SLC22A23: variants seen among roughly 807,000 people sequenced by gnomAD.
SLC22A23 encodes ion transporter protein.
In SLC22A23, 26 loss-of-function variants were observed where a neutral mutation model predicts 61.0. That is an observed-to-expected ratio of 0.43 (90% confidence interval 0.31 to 0.59). SLC22A23 has a LOEUF of 0.59. SLC22A23 is among the 20% of genes least tolerant of loss of function. SLC22A23 has a pLI of 0.11. For missense variants in SLC22A23, 796 were observed against 934.7 expected, an observed-to-expected ratio of 0.85 and a Z score of 1.94; for synonymous variants, 430 against 413.9, an observed-to-expected ratio of 1.04 and a Z score of -0.47.
chr6:3,279,188 G>A (rs1231123237), intron 9 of SLC22A23, among the ~76,000 whole-genome samples: 1 of 151,434 alleles, frequency 6.6e-6, no homozygotes, highest in Non-Finnish European at 1.5e-5. Flanking sequence ...TTTTTTCTGT[G>A]GGAGCAATTC....
intron 3 of SLC22A23, among the ~76,000 whole-genome samples, chr6:3,399,926 T>C (rs774907715): frequency 2.4e-4 from 36 of 152,248 alleles, no homozygotes; most frequent in Non-Finnish European, 3.5e-4. Context: ...TTGCCCAGGC[T>C]GGAGTGCAAT....
intron 5 of SLC22A23, among the ~76,000 whole-genome samples, chr6:3,294,997 C>T (rs1034514172): frequency 3.9e-5 from 6 of 152,206 alleles, no homozygotes; most frequent in East Asian, 1.9e-4. Context: ...GCAATGCAAC[C>T]GCAATCCTAA....
At position 3,432,196 on chromosome 6, in the gene SLC22A23, G is replaced by A. The variant is rs564319651; in HGVS notation, c.655-16341C>T. ...CGGTTCTCCTGCATCTGAGCCCAGT[G>A]CTCCTTGCCCACGCCTCTGCTCCCT... On this transcript the variant is annotated intron_variant, in intron 1 of 9. Transcript: ENST00000406686. 5.1e-6 allele frequency: 5 copies of A among 985,408 alleles called. No homozygotes were observed. The East Asian group carries it at 4.5e-4, about 90-fold the overall frequency. 61.0% of individuals were successfully genotyped at this position (985,408 alleles called of 1,614,324 possible).
chr6:3,388,112 T>C (rs542811128), intron 3 of SLC22A23, among the ~76,000 whole-genome samples: 5 of 152,220 alleles, frequency 3.3e-5, no homozygotes, highest in African/African-American at 4.8e-5. Flanking sequence ...GGCCTAGATG[T>C]AGGGAGAGGG....
At chr6:3,420,009 T>C (rs1447064052) in intron 1 of SLC22A23, among the ~76,000 whole-genome samples, 2 of 152,226 alleles carry the variant, frequency 1.3e-5, no homozygotes, top group Non-Finnish European at 2.9e-5. Context: ...TAATTAAGCT[T>C]GTTAACACCT....
At chr6:3,316,269 A>G (rs1762635771) in intron 4 of SLC22A23, among the ~76,000 whole-genome samples, 1 of 152,228 alleles carries the variant, frequency 6.6e-6, no homozygotes, top group African/African-American at 2.4e-5. Flanking sequence ...GAATAAATCC[A>G]CCAACTCCAC....
chr6:3,379,283 T>C (rs950752763), intron 3 of SLC22A23, among the ~76,000 whole-genome samples: 1 of 152,192 alleles, frequency 6.6e-6, no homozygotes, highest in Non-Finnish European at 1.5e-5. Context: ...TTGGCAAAAG[T>C]AGTTTAAAAA....
chr6:3,373,144 T>C (rs1766333230), intron 3 of SLC22A23, among the ~76,000 whole-genome samples: 1 of 152,226 alleles, frequency 6.6e-6, no homozygotes, highest in Non-Finnish European at 1.5e-5. Context: ...GTCTGGGATG[T>C]TGGCATGCAC....
intron 1 of SLC22A23, chr6:3,432,171 C>T (rs1337401059): frequency 3.1e-6 from 3 of 981,528 alleles, no homozygotes; most frequent in African/African-American, 3.5e-5. Context: ...GGGTTCAAAC[C>T]GGTTCTCCTG....
chr6:3,338,389 G>C (rs1336679935), intron 3 of SLC22A23, among the ~76,000 whole-genome samples: 1 of 152,240 alleles, frequency 6.6e-6, no homozygotes, highest in African/African-American at 2.4e-5. Flanking sequence ...GAGTGCAGTG[G>C]TATGATCTTC....
intron 3 of SLC22A23, among the ~76,000 whole-genome samples, chr6:3,383,258 T>C (rs1767067524): frequency 6.6e-6 from 1 of 152,010 alleles, no homozygotes; most frequent in South Asian, 2.1e-4. Flanking sequence ...CAAAACTAAA[T>C]GATGTACTGT....
At chr6:3,290,279 C>G in intron 5 of SLC22A23, 1 of 246,722 alleles carries the variant, frequency 4.1e-6, no homozygotes, top group African/African-American at 2.3e-5. Flanking sequence ...CTTTTCCGTA[C>G]ACTCTACATC....
chr6:3,282,585 G>A (rs1422460552), intron 9 of SLC22A23, among the ~76,000 whole-genome samples: 1 of 152,234 alleles, frequency 6.6e-6, no homozygotes, highest in African/African-American at 2.4e-5. Flanking sequence ...TGGAATAGCC[G>A]CTACTGGATT....
chr6:3,452,277 C>T (rs766344307), intron 1 of SLC22A23, among the ~76,000 whole-genome samples: 3 of 152,138 alleles, frequency 2.0e-5, no homozygotes, highest in Non-Finnish European at 2.9e-5. Context: ...ACTGTGTGTT[C>T]ACTGACTTAA....
chr6:3,277,176 C>G (rs978698769), intron 9 of SLC22A23, among the ~76,000 whole-genome samples: 2 of 152,088 alleles, frequency 1.3e-5, no homozygotes, highest in African/African-American at 2.4e-5. Flanking sequence ...TGGAGAGGTT[C>G]AAGAACTGGG....
rs1289200824 is a variant in SLC22A23 at position 3,327,960 on chromosome 6, C to A, written c.914-3958G>T. Among the ~76,000 whole-genome samples, 1 of 152,004 alleles carries A rather than the reference C, an allele frequency of 6.6e-6. No individual in the cohort carries two copies. The highest frequency in any genetic ancestry group is 1.5e-5 in the Non-Finnish European group (1 of 68,006). On this transcript the variant is annotated intron_variant, in intron 3 of 9. Transcript: ENST00000406686. The surrounding 1 kb of genome is among the most constrained non-coding windows in gnomAD (Gnocchi z 4.1). ...TGTCATTTAGGTGCTCAAAAAGTTT[C>A]AGATTCTAGAGCATTTCAGATTTCA... is the stretch of plus-strand genomic sequence containing the variant.
rs1023340618 is a variant in SLC22A23, at chr6:3,454,407, C to G, written c.654+1499G>C. ...CTTTCAAGTTCACCTCTACTTTGAC[C>G]CCAGGACACAGCGCTCTTCACACAT... is the stretch of plus-strand genomic sequence containing the variant. On this transcript the variant is annotated intron_variant, in intron 1 of 9. Transcript: ENST00000406686. This position sits in a 1 kb window ranked among gnomAD's most constrained non-coding sequence, Gnocchi z 4.3. Among the ~76,000 whole-genome samples the G allele has an allele frequency of 3.9e-5, 6 of 152,106 alleles. No homozygotes were observed. Among genetic ancestry groups the G allele is most frequent in the African/African-American group, 1.4e-4 (6 of 41,396 alleles).
chr6:3,384,364 A>G (rs1168450788), intron 3 of SLC22A23, among the ~76,000 whole-genome samples: 1 of 152,254 alleles, frequency 6.6e-6, no homozygotes, highest in Non-Finnish European at 1.5e-5. Context: ...TAATCCTTTA[A>G]AAGTATAGAT....
intron 3 of SLC22A23, among the ~76,000 whole-genome samples, chr6:3,378,892 C>G (rs534819546): frequency 3.5e-4 from 54 of 152,234 alleles, no homozygotes; most frequent in Middle Eastern, 3.4e-3. Flanking sequence ...CTCCTGATCT[C>G]AGGTGATCCA....
Sources: allele counts gnomAD v4.1 joint callset (sites outside exome capture counted in the v4.1 genomes callset), GRCh38; gene constraint gnomAD v4.1.1; non-coding constraint Gnocchi (gnomAD v3.1); transcripts MANE v1.5; gene names NCBI Gene and HGNC (gene_info 2026-07-23, HGNC 2026-07-21).